MAML3: variants seen among roughly 807,000 people sequenced by gnomAD.
MAML3 encodes mastermind-like protein 3.
Under a neutral mutation model 101.9 loss-of-function variants are expected in MAML3, and 27 were observed. That is an observed-to-expected ratio of 0.27 (90% CI 0.20 to 0.37). The LOEUF is 0.37. MAML3 is among the 10% of genes least tolerant of loss of function. The probability of loss-of-function intolerance (pLI) is 1.00; values close to 1 mark genes in which losing one functional copy is unlikely to be tolerated. For synonymous variants in MAML3, 501 were observed against 555.9 expected, an observed-to-expected ratio of 0.90 and a Z score of 1.39; for missense variants, 1,316 against 1,444.9, an observed-to-expected ratio of 0.91 and a Z score of 1.45.
chr4:139,981,674 T>G (rs1734447015), intron 1 of MAML3, among the ~76,000 whole-genome samples: 1 of 152,200 alleles, frequency 6.6e-6, no homozygotes, highest in Non-Finnish European at 1.5e-5. Context: ...CCTTTAGTCA[T>G]TATGTTTCAT....
At chr4:139,772,102 C>T (rs769023301) in intron 2 of MAML3, among the ~76,000 whole-genome samples, 27 of 150,992 alleles carry the variant, frequency 1.8e-4, no homozygotes, top group African/African-American at 2.7e-4. Flanking sequence ...TAGCTGGGCG[C>T]GGTGGCAGGT....
intron 2 of MAML3, among the ~76,000 whole-genome samples, chr4:139,870,207 G>A (rs1286826884): frequency 6.6e-6 from 1 of 152,200 alleles, no homozygotes; most frequent in Non-Finnish European, 1.5e-5. Context: ...GTTGTGCAGA[G>A]ACTGTCCTGT....
chr4:139,873,637 C>T (rs1732055796), intron 2 of MAML3, among the ~76,000 whole-genome samples: 1 of 152,146 alleles, frequency 6.6e-6, no homozygotes, highest in Admixed American at 6.5e-5. Context: ...CAGGGGAAGC[C>T]AGCTGCCATG....
At chr4:140,030,681 C>G (rs571019704) in intron 1 of MAML3, among the ~76,000 whole-genome samples, 1 of 152,246 alleles carries the variant, frequency 6.6e-6, no homozygotes, top group Admixed American at 6.5e-5. Context: ...CTTTTTGGCT[C>G]TCCATCCCAG....
chr4:140,105,988 G>A (rs1335055680), intron 1 of MAML3, among the ~76,000 whole-genome samples: 10 of 151,966 alleles, frequency 6.6e-5, no homozygotes, highest in South Asian at 2.1e-4. Context: ...CTAATCCCAC[G>A]TTTAGGACTC....
intron 1 of MAML3, among the ~76,000 whole-genome samples, chr4:139,989,154 G>C (rs1296921683): frequency 6.6e-6 from 1 of 152,092 alleles, no homozygotes; most frequent in Non-Finnish European, 1.5e-5. Flanking sequence ...GACAGAAGCA[G>C]GAATCTTGGC....
rs1015410490 is a variant in MAML3, at chr4:140,152,890, C to T, written c.438G>A (p.Ser146=). 1.2e-6 allele frequency: 2 copies of T among 1,612,184 alleles called. No individual in the cohort carries two copies. The highest frequency in any genetic ancestry group is 1.3e-5 in the African/African-American group (1 of 74,866). The change falls in exon 1 of 5, where the codon TCG becomes TCA. Residue 146 remains serine, a synonymous_variant. Coordinates refer to ENST00000509479, the MANE Select transcript of MAML3 (RefSeq NM_018717.5). The stretch of plus-strand genomic sequence containing the variant: ...TCAGCGTGTGGTTCCTCTGCTCCGC[C>T]GAGGCAGCCTCCGCATCTTGCTGGG... ...SKPQQDAEAA[S]AEQRNHTLIM... is the part of the protein sequence containing the mutation.
intron 1 of MAML3, among the ~76,000 whole-genome samples, chr4:140,114,291 A>G (rs1371428099): frequency 6.6e-6 from 1 of 152,170 alleles, no homozygotes; most frequent in Admixed American, 6.5e-5. Context: ...CTCACCAGCT[A>G]CTTTACCTGT....
Position 139,842,054 on chromosome 4 carries a change from G to T in MAML3, c.2079+47303C>A, listed in dbSNP as rs1362060956. Among the ~76,000 whole-genome samples the T allele has an allele frequency of 3.9e-5, 6 of 152,310 alleles. No homozygotes were observed. The South Asian group carries it at 1.0e-3, about 26-fold the overall frequency. On this transcript the variant is annotated intron_variant, in intron 2 of 4. Transcript: ENST00000509479. Reference sequence around the variant, plus strand: ...TCAGAGTGGAGCCAGATGCACACAGGATCAATAAAAGGTCCAGAGTTCACT... The same window carrying T: ...TCAGAGTGGAGCCAGATGCACACAGTATCAATAAAAGGTCCAGAGTTCACT...
At chr4:139,806,405 T>C (rs1412138547) in intron 2 of MAML3, among the ~76,000 whole-genome samples, 1 of 151,988 alleles carries the variant, frequency 6.6e-6, no homozygotes, top group African/African-American at 2.4e-5. Context: ...CAAATGCAAA[T>C]TAAAAGAACA....
intron 1 of MAML3, among the ~76,000 whole-genome samples, chr4:140,048,901 G>T (rs1727223728): frequency 6.6e-6 from 1 of 152,158 alleles, no homozygotes; most frequent in African/African-American, 2.4e-5. Context: ...AAAGAATACT[G>T]TGAGACAGAA....
intron 2 of MAML3, among the ~76,000 whole-genome samples, chr4:139,769,789 G>T (rs967416317): frequency 6.6e-6 from 1 of 151,848 alleles, no homozygotes. Context: ...CTAATTTTGT[G>T]TTTTTAGTAA....
chr4:139,814,395 T>TA (rs929703965), intron 2 of MAML3, among the ~76,000 whole-genome samples: 4 of 152,134 alleles, frequency 2.6e-5, no homozygotes, highest in Non-Finnish European at 4.4e-5. Context: ...AGATACTGAC[T>TA]AAAAAACAAA....
intron 1 of MAML3, among the ~76,000 whole-genome samples, chr4:140,110,025 C>CG (rs1352507373): frequency 6.6e-6 from 1 of 152,128 alleles, no homozygotes; most frequent in Non-Finnish European, 1.5e-5. Context: ...AAGTGGAAAA[C>CG]GGGGTGGGTG....
At chr4:140,034,212 G>C (rs918854813) in intron 1 of MAML3, among the ~76,000 whole-genome samples, 2 of 152,206 alleles carry the variant, frequency 1.3e-5, no homozygotes, top group Non-Finnish European at 2.9e-5. Flanking sequence ...AGCTTACAAA[G>C]TAGCCTATGA....
At chr4:139,749,623 T>G (rs1417410426) in intron 2 of MAML3, among the ~76,000 whole-genome samples, 1 of 152,214 alleles carries the variant, frequency 6.6e-6, no homozygotes, top group East Asian at 1.9e-4. Flanking sequence ...GGACTTGACA[T>G]GGAGGCCACA....
intron 1 of MAML3, among the ~76,000 whole-genome samples, chr4:140,063,843 C>G (rs894406766): frequency 1.3e-5 from 2 of 151,610 alleles, no homozygotes; most frequent in Non-Finnish European, 2.9e-5. Flanking sequence ...TCTTTTAGCC[C>G]AAGATTTTGC....
At chr4:139,921,642 C>A (rs538857074) in intron 1 of MAML3, among the ~76,000 whole-genome samples, 4 of 152,100 alleles carry the variant, frequency 2.6e-5, no homozygotes, top group East Asian at 3.9e-4. Context: ...CCCCTCACCA[C>A]AAACCCCCTT....
At chr4:139,973,665 C>T (rs1262125544) in intron 1 of MAML3, among the ~76,000 whole-genome samples, 1 of 152,140 alleles carries the variant, frequency 6.6e-6, no homozygotes, top group Non-Finnish European at 1.5e-5. Context: ...GACAGGCCAC[C>T]AACATCTGTG....
Sources: allele counts gnomAD v4.1 joint callset (sites outside exome capture counted in the v4.1 genomes callset), GRCh38; gene constraint gnomAD v4.1.1; transcripts MANE v1.5; gene names NCBI Gene and HGNC (gene_info 2026-07-23, HGNC 2026-07-21).